Variants in HDX observed in about 807,000 individuals in gnomAD.
HDX encodes highly divergent homeobox.
Under a neutral mutation model 45.2 loss-of-function variants are expected in HDX, and 19 were observed. The ratio of observed to expected loss-of-function variants is 0.42; its 90% confidence interval spans 0.29 to 0.62. HDX has a LOEUF of 0.62. HDX is among the 20% of genes least tolerant of loss of function. HDX has a pLI of 0.20. For synonymous variants in HDX, 188 were observed against 172.8 expected, an observed-to-expected ratio of 1.09 and a Z score of -0.69; for missense variants, 532 against 493.9, an observed-to-expected ratio of 1.08 and a Z score of -0.73.
chrX:84,351,037 ATC>A (rs1231597494), intron 6 of HDX, among the ~76,000 whole-genome samples: 1 of 109,622 alleles, frequency 9.1e-6, no homozygotes, highest in Non-Finnish European at 1.9e-5. Context: ...CTATCTATCT[ATC>A]TATCTATCTA....
intron 4 of HDX, among the ~76,000 whole-genome samples, chrX:84,460,262 T>A (rs139729785): frequency 0.039 from 4,400 of 111,633 alleles, 81 homozygotes; most frequent in Middle Eastern, 0.17. Flanking sequence ...CAGACAAATA[T>A]TCCTGATGAA....
At chrX:84,431,151 A>AGGGTAAT (rs2039496847) in intron 5 of HDX, among the ~76,000 whole-genome samples, 3 of 110,535 alleles carry the variant, frequency 2.7e-5, no homozygotes, top group Non-Finnish European at 5.7e-5. Context: ...TAGTTCGCTT[A>AGGGTAAT]GGGTAATGGC....
chrX:84,409,646 T>A (rs1324100245), intron 5 of HDX, among the ~76,000 whole-genome samples: 1 of 95,278 alleles, frequency 1.0e-5, no homozygotes, highest in Non-Finnish European at 2.0e-5. Flanking sequence ...CACCGCATGT[T>A]CTCACTCATA....
intron 5 of HDX, among the ~76,000 whole-genome samples, chrX:84,383,081 G>A (rs991622814): frequency 9.0e-6 from 1 of 111,018 alleles, no homozygotes; most frequent in African/African-American, 3.3e-5. Context: ...TAAAATTAAC[G>A]TGTAGTATAT....
chrX:84,473,570 ATTGT>A (rs1187686766), intron 3 of HDX, among the ~76,000 whole-genome samples: 16 of 111,420 alleles, frequency 1.4e-4, no homozygotes, highest in African/African-American at 4.6e-4. Flanking sequence ...TTTCATTCCC[ATTGT>A]TTGTTTTAGA....
intron 5 of HDX, among the ~76,000 whole-genome samples, chrX:84,407,605 T>C (rs1045571555): frequency 1.8e-5 from 2 of 111,676 alleles, no homozygotes; most frequent in Admixed American, 9.6e-5. Context: ...AGAATGGTAG[T>C]TCTCTTTTAA....
chrX:84,403,702 T>C (rs17219420), intron 5 of HDX, among the ~76,000 whole-genome samples: 11,909 of 111,652 alleles, frequency 0.11, 598 homozygotes, highest in South Asian at 0.24. Context: ...TAGTGAACCT[T>C]CTTCAAAAAT....
chrX:84,380,955 A>C (rs944225617), intron 5 of HDX, among the ~76,000 whole-genome samples: 3 of 111,404 alleles, frequency 2.7e-5, no homozygotes, highest in Non-Finnish European at 3.8e-5. Flanking sequence ...ATATGATCTT[A>C]TATTTGGAAA....
At chrX:84,334,209 T>G (rs1459368784) in intron 8 of HDX, among the ~76,000 whole-genome samples, 2 of 111,433 alleles carry the variant, frequency 1.8e-5, no homozygotes, top group African/African-American at 6.5e-5. Flanking sequence ...AGGAATAGCT[T>G]TCTTTTTTAA....
intron 10 of HDX, among the ~76,000 whole-genome samples, chrX:84,325,668 G>T (rs1281247171): frequency 9.0e-6 from 1 of 111,685 alleles, no homozygotes; most frequent in African/African-American, 3.2e-5. Context: ...AGTAAGTGAT[G>T]CACTGTGGAA....
At chrX:84,349,609 G>GTGTATATATAGA (rs1315482424) in intron 6 of HDX, among the ~76,000 whole-genome samples, 1 of 77,566 alleles carries the variant, frequency 1.3e-5, no homozygotes, top group African/African-American at 5.1e-5. Context: ...ATGTGTGTGT[G>GTGTATATATAGA]TATATATATA....
chrX:84,409,535 A>C (rs2038930952), intron 5 of HDX, among the ~76,000 whole-genome samples: 1 of 108,294 alleles, frequency 9.2e-6, no homozygotes, highest in African/African-American at 3.4e-5. Flanking sequence ...ATGGAATACT[A>C]TGCAGCCATA....
At chrX:84,374,719 A>C (rs1291077484) in intron 5 of HDX, among the ~76,000 whole-genome samples, 57 of 109,708 alleles carry the variant, frequency 5.2e-4, no homozygotes, top group African/African-American at 1.7e-3. Context: ...GGATCCCTTC[A>C]TTACACCTTA....
At chrX:84,404,525 T>C (rs2038774315) in intron 5 of HDX, among the ~76,000 whole-genome samples, 1 of 111,322 alleles carries the variant, frequency 9.0e-6, no homozygotes, top group Non-Finnish European at 1.9e-5. Flanking sequence ...ATTCAATATG[T>C]TTAAAGGTAA....
At chrX:84,412,869 T>C (rs1159040772) in intron 5 of HDX, among the ~76,000 whole-genome samples, 1 of 112,244 alleles carries the variant, frequency 8.9e-6, no homozygotes, top group Admixed American at 9.5e-5. Context: ...ATTCTGTATA[T>C]TTTATTTGCG....
intron 5 of HDX, among the ~76,000 whole-genome samples, chrX:84,373,339 C>T (rs1274075702): frequency 9.0e-6 from 1 of 110,724 alleles, no homozygotes; most frequent in African/African-American, 3.3e-5. Flanking sequence ...AGAGTCTTGG[C>T]ACATTGAAAA....
chrX:84,479,554 C>A (rs968493059), intron 2 of HDX, among the ~76,000 whole-genome samples: 1 of 111,891 alleles, frequency 8.9e-6, no homozygotes, highest in African/African-American at 3.3e-5. Context: ...GTTTTCATTT[C>A]TCTTGAGTAA....
At position 84,338,013 on chromosome X, in the gene HDX, G is replaced by A. The variant is rs900351686; in HGVS notation, c.1661-1133C>T. 4.0e-4 allele frequency among the ~76,000 whole-genome samples: 44 copies of A among 111,054 alleles called. 1 individual carries two copies. Among genetic ancestry groups the A allele is most frequent in the African/African-American group, 1.4e-3 (42 of 30,640 alleles). On this transcript the variant is annotated intron_variant, in intron 7 of 10. Coordinates refer to ENST00000373177, the MANE Select transcript of HDX (RefSeq NM_001177479.2). ...CACAGCCATATCATGGAGATTATTT[G>A]AATAAATACTAGTAGAATTTCGCGA...
At chrX:84,497,974 A>C (rs1361359824) in intron 1 of HDX, among the ~76,000 whole-genome samples, 1 of 111,405 alleles carries the variant, frequency 9.0e-6, no homozygotes, top group Non-Finnish European at 1.9e-5. Context: ...TGTTTGCATG[A>C]CTGTTTTTAG....
Sources: gnomAD v4.1 joint callset for allele counts (sites outside exome capture counted in the v4.1 genomes callset) on GRCh38, gnomAD v4.1.1 for gene constraint, MANE v1.5 for transcripts, NCBI Gene and HGNC (gene_info 2026-07-23, HGNC 2026-07-21) for gene names.